Variants in CLASP1 observed in about 807,000 individuals in gnomAD.
The protein encoded by CLASP1 is CLIP-associating protein 1.
Under a neutral mutation model 192.3 loss-of-function variants are expected in CLASP1, and 38 were observed. That is an observed-to-expected ratio of 0.20 (90% CI 0.15 to 0.26). The LOEUF (loss-of-function observed/expected upper bound fraction) is 0.26, where lower values mean the gene tolerates loss of function less well. Ranked by LOEUF, CLASP1 falls within the 10% of genes least tolerant of loss-of-function variation. The pLI, the probability that CLASP1 is intolerant of heterozygous loss-of-function variation, is 1.00. For missense variants in CLASP1, 1,433 were observed against 1,932.5 expected (o/e 0.74, Z 4.85); for synonymous variants, 691 against 712.8 (o/e 0.97, Z 0.49).
intron 9 of CLASP1, among the ~76,000 whole-genome samples, chr2:121,469,182 C>G (rs945663571): frequency 6.6e-6 from 1 of 152,110 alleles, no homozygotes; most frequent in African/African-American, 2.4e-5. Flanking sequence ...TAGAGAAATA[C>G]AGGCCTTCCA....
intron 22 of CLASP1, among the ~76,000 whole-genome samples, chr2:121,424,209 G>A (rs771047115): frequency 4.6e-5 from 7 of 152,128 alleles, no homozygotes; most frequent in East Asian, 3.8e-4. Context: ...CATAGTATTC[G>A]TCATACTGTG....
chr2:121,478,684 A>C (rs1178851109), intron 8 of CLASP1, among the ~76,000 whole-genome samples: 19 of 62,546 alleles, frequency 3.0e-4, no homozygotes, highest in Admixed American at 6.3e-4. Flanking sequence ...CCACACACAC[A>C]CCCCACACAC....
chr2:121,594,903 A>T (rs1576329395), intron 2 of CLASP1, among the ~76,000 whole-genome samples: 2 of 150,228 alleles, frequency 1.3e-5, no homozygotes, highest in East Asian at 3.9e-4. Context: ...ATACATGAAA[A>T]TTTTTTTAAC....
Position 121,525,844 on chromosome 2 carries a change from C to CTTA in CLASP1, c.546_546+1insTAA (p.Gln182_Val183insTer). 1 of 1,610,280 alleles carries CTTA rather than the reference C, an allele frequency of 6.2e-7. No homozygotes were observed. The highest frequency in any genetic ancestry group is 1.1e-5 in the South Asian group (1 of 90,714). On this transcript the variant is annotated stop_gained and inframe_insertion and splice_region_variant. Coordinates refer to ENST00000263710, the Ensembl canonical transcript of CLASP1. LOFTEE classifies it high-confidence loss of function. ...TCCCGAGGGTTTTCCTTCTCACTCA[C>CTTA]CTGGCTGTTTGGATCTCCAAGTAAG...
Position 121,525,826 on chromosome 2 carries a change from G to A in CLASP1, c.546+19C>T, listed in dbSNP as rs1167757362. Reference sequence around the variant, plus strand: ...TCTGTAAGCAATGACTTCTCCCGAGGGTTTTCCTTCTCACTCACCTGGCTG... The same window carrying A: ...TCTGTAAGCAATGACTTCTCCCGAGAGTTTTCCTTCTCACTCACCTGGCTG... On this transcript the variant is annotated intron_variant, in intron 6 of 39. Transcript: ENST00000263710. The A allele has an allele frequency of 6.3e-7, 1 of 1,587,594 alleles. No individual in the cohort carries two copies. Among genetic ancestry groups the A allele is most frequent in the Non-Finnish European group, 8.6e-7 (1 of 1,157,210 alleles).
intron 9 of CLASP1, among the ~76,000 whole-genome samples, chr2:121,468,620 A>C (rs543745441): frequency 2.0e-5 from 3 of 152,200 alleles, no homozygotes; most frequent in South Asian, 2.1e-4. Context: ...TTTGCACATT[A>C]ATTTTGTATC....
chr2:121,635,122 A>C (rs1576645590), intron 1 of CLASP1, among the ~76,000 whole-genome samples: 1 of 151,820 alleles, frequency 6.6e-6, no homozygotes, highest in East Asian at 1.9e-4. Context: ...AGGGAGGATC[A>C]CTTGAAGCCA....
intron 1 of CLASP1, among the ~76,000 whole-genome samples, chr2:121,629,608 T>C (rs1438314091): frequency 6.6e-6 from 1 of 150,536 alleles, no homozygotes; most frequent in African/African-American, 2.4e-5. Context: ...CTGGCCAACA[T>C]GGTGAAACCC....
At chr2:121,511,912 G>A (rs1240142366) in intron 7 of CLASP1, among the ~76,000 whole-genome samples, 1 of 152,004 alleles carries the variant, frequency 6.6e-6, no homozygotes, top group African/African-American at 2.4e-5. Flanking sequence ...TTTCACCTTG[G>A]GTTCTCTTTA....
Position 121,407,734 on chromosome 2 carries a change from G to A in CLASP1, c.2425-19C>T. The A allele has an allele frequency of 1.2e-6, 2 of 1,613,734 alleles. No homozygotes were observed. The highest frequency in any genetic ancestry group is 1.7e-6 in the Non-Finnish European group (2 of 1,179,696). On this transcript the variant is annotated intron_variant, in intron 24 of 39. Transcript: ENST00000263710. ...GCTTCTTCTGACAGGTCCAATGAGG[G>A]ATGGGAGTGATTGAGGAAGAAATAG...
At chr2:121,395,932 C>T (rs977188345) in intron 30 of CLASP1, among the ~76,000 whole-genome samples, 6 of 152,184 alleles carry the variant, frequency 3.9e-5, no homozygotes, top group African/African-American at 1.2e-4. Flanking sequence ...AAGACTATAT[C>T]AGTAGTCTGC....
chr2:121,409,526 CAAGTT>C (rs1194841164), intron 24 of CLASP1, among the ~76,000 whole-genome samples: 2 of 152,186 alleles, frequency 1.3e-5, no homozygotes, highest in African/African-American at 4.8e-5. Flanking sequence ...AAGCTCCAGT[CAAGTT>C]AAGCCAAAGC....
chr2:121,437,436 T>C (rs1267304556), intron 19 of CLASP1, among the ~76,000 whole-genome samples: 1 of 151,760 alleles, frequency 6.6e-6, no homozygotes, highest in Non-Finnish European at 1.5e-5. Flanking sequence ...TTTATGGGAA[T>C]TCTTTAAGAT....
intron 32 of CLASP1, among the ~76,000 whole-genome samples, chr2:121,384,134 GTATA>G (rs770390098): frequency 1.0e-5 from 1 of 96,484 alleles, no homozygotes; most frequent in Non-Finnish European, 2.2e-5. Context: ...ACATATATAT[GTATA>G]TATATATACA....
intron 31 of CLASP1, 140 bp from the exon 33 acceptor site, chr2:121,387,368 A>G (rs2073455430): frequency 9.8e-6 from 6 of 610,338 alleles, no homozygotes; most frequent in East Asian, 9.0e-5. Flanking sequence ...TTAGAATCAT[A>G]AGGCCAATTT....
intron 14 of CLASP1, among the ~76,000 whole-genome samples, chr2:121,456,571 G>A (rs983892855): frequency 6.7e-6 from 1 of 149,432 alleles, no homozygotes; most frequent in Admixed American, 6.7e-5. Flanking sequence ...GGGAAGGGAA[G>A]GAAACAGAAG....
chr2:121,490,563 T>C (rs1416096856), intron 8 of CLASP1, among the ~76,000 whole-genome samples: 3 of 152,222 alleles, frequency 2.0e-5, no homozygotes, highest in African/African-American at 7.2e-5. Context: ...TTAAAAATTT[T>C]TAAACCAGTT....
At chr2:121,427,084 G>C (rs773801867) in intron 21 of CLASP1, among the ~76,000 whole-genome samples, 3 of 151,458 alleles carry the variant, frequency 2.0e-5, no homozygotes, top group Admixed American at 6.6e-5. Context: ...GAACCACGTA[G>C]GTGAATACTC....
chr2:121,388,042 A>C, intron 30 of CLASP1, 136 bp from the exon 32 acceptor site: 1 of 626,390 alleles, frequency 1.6e-6, no homozygotes, highest in South Asian at 2.2e-5. Flanking sequence ...ACAAAAAAGC[A>C]TCTGAAGAAA....
Sources: gnomAD v4.1 joint callset for allele counts (sites outside exome capture counted in the v4.1 genomes callset) on GRCh38, gnomAD v4.1.1 for gene constraint, MANE v1.5 for transcripts, NCBI Gene and HGNC (gene_info 2026-07-23, HGNC 2026-07-21) for gene names.